The following PAN3 variants were observed in gnomAD, a reference collection of about 807,000 sequenced individuals.
The protein encoded by PAN3 is PAN2-PAN3 deadenylation complex subunit PAN3.
Under a neutral mutation model 96.2 loss-of-function variants are expected in PAN3, and 19 were observed. The ratio of observed to expected loss-of-function variants is 0.20; its 90% CI spans 0.14 to 0.29. The LOEUF is 0.29. Ranked by LOEUF, PAN3 falls within the 10% of genes least tolerant of loss-of-function variation. The pLI, the probability that PAN3 is intolerant of heterozygous loss-of-function variation, is 1.00. For synonymous variants in PAN3, 433 were observed against 406.6 expected (o/e 1.06, Z -0.78); for missense variants, 882 against 1,108.1 (o/e 0.80, Z 2.90).
At chr13:28,288,774 CT>C (rs1463305802) in intron 18 of PAN3, among the ~76,000 whole-genome samples, 1 of 151,398 alleles carries the variant, frequency 6.6e-6, no homozygotes, top group Non-Finnish European at 1.5e-5. Flanking sequence ...AATTGAACCC[CT>C]TCCGAATCAT....
intron 5 of PAN3, among the ~76,000 whole-genome samples, chr13:28,208,965 G>A (rs1197981945): frequency 6.6e-6 from 1 of 152,082 alleles, no homozygotes; most frequent in Non-Finnish European, 1.5e-5. Context: ...TGTGGGATTG[G>A]TTCTAGCAAC....
At chr13:28,238,257 C>T (rs547510300) in intron 6 of PAN3, among the ~76,000 whole-genome samples, 17 of 152,202 alleles carry the variant, frequency 1.1e-4, no homozygotes, top group African/African-American at 4.1e-4. Context: ...GTGATATAAG[C>T]GATTATTTTG....
intron 18 of PAN3, among the ~76,000 whole-genome samples, chr13:28,291,312 A>G (rs1414287147): frequency 6.6e-6 from 1 of 152,202 alleles, no homozygotes; most frequent in Non-Finnish European, 1.5e-5. Flanking sequence ...CCATAACAAG[A>G]CAAGTTGATA....
At chr13:28,165,117 A>G (rs1003043938) in intron 1 of PAN3, among the ~76,000 whole-genome samples, 1 of 152,164 alleles carries the variant, frequency 6.6e-6, no homozygotes, top group African/African-American at 2.4e-5. Flanking sequence ...CATGTTGGTC[A>G]GGCTGGTCTC....
intron 9 of PAN3, among the ~76,000 whole-genome samples, chr13:28,261,832 C>CAAAA (rs10636889): frequency 8.9e-6 from 1 of 112,704 alleles, no homozygotes. Flanking sequence ...GACCCTGTCT[C>CAAAA]AAAAAAAAAA....
intron 1 of PAN3, among the ~76,000 whole-genome samples, chr13:28,149,648 GT>G (rs67169803): frequency 0.094 from 14,260 of 152,170 alleles, 832 homozygotes; most frequent in African/African-American, 0.17. Context: ...GTCTTGCTCT[GT>G]CACCCAGGCT....
At chr13:28,165,493 A>G (rs1188822950) in intron 1 of PAN3, among the ~76,000 whole-genome samples, 2 of 151,920 alleles carry the variant, frequency 1.3e-5, no homozygotes, top group Non-Finnish European at 2.9e-5. Flanking sequence ...CACGTGTACC[A>G]TTTACTAGTG....
intron 1 of PAN3, among the ~76,000 whole-genome samples, chr13:28,155,739 A>G (rs1188589244): frequency 3.3e-5 from 5 of 152,240 alleles, no homozygotes; most frequent in African/African-American, 4.8e-5. Flanking sequence ...ACACATATAC[A>G]TAAAATGTAT....
intron 1 of PAN3, among the ~76,000 whole-genome samples, chr13:28,173,052 C>T (rs892937155): frequency 7.9e-5 from 12 of 152,130 alleles, no homozygotes; most frequent in Non-Finnish European, 1.2e-4. Flanking sequence ...TTCTCATTGG[C>T]TTACAGAAAT....
At chr13:28,276,574 G>A (rs933042131) in intron 14 of PAN3, among the ~76,000 whole-genome samples, 1 of 152,170 alleles carries the variant, frequency 6.6e-6, no homozygotes. Flanking sequence ...TAGGAAAGCA[G>A]GTGGTGGTTC....
rs574191561 is a variant in PAN3 at position 28,264,697 on chromosome 13, A to G, written c.1412-2018A>G. ...CCTTGGGAATTGCTCTGTTCTTTGTATTTTCATAGTGTATTAGCTCTCAAA... is the reference window on the plus strand; with the variant it reads ...CCTTGGGAATTGCTCTGTTCTTTGTGTTTTCATAGTGTATTAGCTCTCAAA... On this transcript the variant is annotated intron_variant, in intron 9 of 18. Coordinates refer to ENST00000380958, the MANE Select transcript of PAN3 (RefSeq NM_175854.8). Among the ~76,000 whole-genome samples the G allele has an allele frequency of 3.3e-5, 5 of 152,224 alleles. No homozygotes were observed. In the South Asian group the frequency reaches 1.0e-3, roughly 32 times the overall value.
intron 5 of PAN3, chr13:28,215,044 A>C: frequency 8.9e-7 from 1 of 1,127,700 alleles, no homozygotes; most frequent in Middle Eastern, 2.9e-4. Context: ...GTCAGCACTT[A>C]TATTAATAAA....
rs1371746108 is a variant in PAN3 at position 28,178,520 on chromosome 13, A to T, written c.690+585A>T. On this transcript the variant is annotated intron_variant, in intron 4 of 18. Transcript: ENST00000380958. ...AATAATTTGATGCCTTTGAGTCTTA[A>T]TGAGAATCTTGTTAATACTAATAAT... 2.0e-5 allele frequency among the ~76,000 whole-genome samples: 3 copies of T among 152,262 alleles called. No individual in the cohort carries two copies. The South Asian group carries it at 6.2e-4, about 32-fold the overall frequency.
At chr13:28,291,252 A>G (rs1324706403) in intron 18 of PAN3, among the ~76,000 whole-genome samples, 1 of 152,216 alleles carries the variant, frequency 6.6e-6, no homozygotes, top group Admixed American at 6.5e-5. Context: ...TGAATTATGT[A>G]TCAATTAATG....
chr13:28,276,471 T>C (rs991317550), intron 14 of PAN3, among the ~76,000 whole-genome samples: 17 of 152,278 alleles, frequency 1.1e-4, no homozygotes, highest in African/African-American at 3.8e-4. Context: ...GGAGTTATAA[T>C]AGGTGATAAA....
At chr13:28,283,679 T>A (rs1463058390) in intron 17 of PAN3, among the ~76,000 whole-genome samples, 5 of 152,260 alleles carry the variant, frequency 3.3e-5, no homozygotes, top group African/African-American at 1.2e-4. Context: ...CAAAATAGTT[T>A]ACAAATATGA....
chr13:28,288,828 ATTTT>A (rs756889416), intron 18 of PAN3, among the ~76,000 whole-genome samples: 1 of 123,732 alleles, frequency 8.1e-6, no homozygotes. Context: ...TTAACTATAG[ATTTT>A]TTTTTTTTTT....
At chr13:28,217,113 CAA>C (rs59698303) in intron 5 of PAN3, among the ~76,000 whole-genome samples, 5 of 115,146 alleles carry the variant, frequency 4.3e-5, no homozygotes, top group African/African-American at 5.9e-5. Flanking sequence ...AACTCTGTCT[CAA>C]AAAAAAAAAA....
intron 12 of PAN3, among the ~76,000 whole-genome samples, chr13:28,270,484 C>T (rs1593608085): frequency 6.6e-6 from 1 of 152,138 alleles, no homozygotes; most frequent in East Asian, 1.9e-4. Context: ...TCAGTGAGAG[C>T]CCTATTGCTG....
Sources: gnomAD v4.1 joint callset for allele counts (sites outside exome capture counted in the v4.1 genomes callset) on GRCh38, gnomAD v4.1.1 for gene constraint, MANE v1.5 for transcripts, NCBI Gene and HGNC (gene_info 2026-07-23, HGNC 2026-07-21) for gene names.